NEK10: variants seen among roughly 807,000 people sequenced by gnomAD.
The protein encoded by NEK10 is serine/threonine-protein kinase Nek10.
NEK10 carries 122 observed loss-of-function variants against 159.8 expected under a neutral mutation model. The ratio of observed to expected loss-of-function variants is 0.76; its 90% CI spans 0.66 to 0.89. The LOEUF (loss-of-function observed/expected upper bound fraction) is 0.89, where lower values mean the gene tolerates loss of function less well. Ranked by LOEUF, NEK10 falls within the 40% of genes least tolerant of loss-of-function variation. The pLI, the probability that NEK10 is intolerant of heterozygous loss-of-function variation, is 0.00. For synonymous variants in NEK10, 466 were observed against 457.1 expected (o/e 1.02, Z -0.25); for missense variants, 1,342 against 1,323.1 (o/e 1.01, Z -0.22).
intron 23 of NEK10, among the ~76,000 whole-genome samples, chr3:27,242,678 A>T (rs1954685240): frequency 6.6e-6 from 1 of 152,198 alleles, no homozygotes; most frequent in Non-Finnish European, 1.5e-5. Flanking sequence ...ATTATTTACT[A>T]AATTTATGAA....
chr3:27,278,999 A>T, intron 22 of NEK10: 8 of 758,244 alleles, frequency 1.1e-5, no homozygotes, highest in African/African-American at 1.9e-5. Flanking sequence ...GGCACATGCC[A>T]TCAAAAGATA....
Position 27,279,517 on chromosome 3 carries a change from C to T in NEK10, c.2014+5085G>A, listed in dbSNP as rs559564621. Among the ~76,000 whole-genome samples, 12 of 152,228 alleles carry T rather than the reference C, an allele frequency of 7.9e-5. No individual in the cohort carries two copies. The South Asian group carries it at 2.3e-3, about 29-fold the overall frequency. ...CAGGGTTTTAATTTAACCATAATCC[C>T]TCTTAAAGATAAGAGACTAATGGAC... On this transcript the variant is annotated intron_variant, in intron 22 of 35. Transcript: ENST00000691995.
intron 1 of NEK10, among the ~76,000 whole-genome samples, chr3:27,358,219 A>T (rs1048293444): frequency 3.3e-5 from 5 of 152,236 alleles, no homozygotes; most frequent in African/African-American, 7.2e-5. Flanking sequence ...GAGTAGTCAC[A>T]GTAGTGAAAG....
intron 30 of NEK10, among the ~76,000 whole-genome samples, chr3:27,142,635 C>G (rs1481166841): frequency 1.3e-5 from 2 of 152,058 alleles, no homozygotes; most frequent in Non-Finnish European, 2.9e-5. Context: ...TTTAAAAACG[C>G]TTCTATTATA....
At chr3:27,343,819 G>A (rs368263077) in intron 5 of NEK10, among the ~76,000 whole-genome samples, 5 of 152,142 alleles carry the variant, frequency 3.3e-5, no homozygotes, top group African/African-American at 7.2e-5. Context: ...TGTTCGATTT[G>A]GTCCTGAAAA....
rs1237633051 is a variant in NEK10 at position 27,110,400 on chromosome 3, A to G, written c.*872T>C. 6.6e-6 allele frequency: 1 copy of G among 152,206 alleles called. No homozygotes were observed. The highest frequency in any genetic ancestry group is 1.9e-4 in the East Asian group (1 of 5,200). The allele number at this position is 152,206 out of a possible 1,614,324, so 9.4% of individuals were successfully genotyped here. A position where few individuals can be genotyped will look rare whatever the true frequency, so the allele number is the denominator to read the frequency against. ...CAAAATCCTAAACAATTCATAAACA[A>G]TTTAGGTAATTGTAATAAGGAGGGA... On this transcript the variant is annotated 3_prime_UTR_variant, in exon 36 of 36. Transcript: ENST00000691995.
chr3:27,197,860 A>G (rs921745226), intron 25 of NEK10, among the ~76,000 whole-genome samples: 1 of 151,382 alleles, frequency 6.6e-6, no homozygotes, highest in African/African-American at 2.4e-5. Flanking sequence ...GGTTAGTTAC[A>G]TACGTATACA....
chr3:27,190,359 T>C (rs1300478841), intron 26 of NEK10, among the ~76,000 whole-genome samples: 1 of 152,118 alleles, frequency 6.6e-6, no homozygotes, highest in Non-Finnish European at 1.5e-5. Context: ...TACTTCAAAA[T>C]AATCTGGGGA....
chr3:27,309,676 AT>A (rs527684959), intron 9 of NEK10: 2 of 152,350 alleles, frequency 1.3e-5, no homozygotes, highest in South Asian at 4.1e-4. Context: ...ATAAATTACA[AT>A]AGTGGTAGTG....
intron 5 of NEK10, among the ~76,000 whole-genome samples, chr3:27,331,695 C>T (rs2046431576): frequency 6.6e-6 from 1 of 152,140 alleles, no homozygotes; most frequent in South Asian, 2.1e-4. Context: ...TAGCTAAACA[C>T]ATAACTATAT....
chr3:27,120,313 T>G (rs1941105382), intron 32 of NEK10, among the ~76,000 whole-genome samples: 1 of 151,738 alleles, frequency 6.6e-6, no homozygotes, highest in Non-Finnish European at 1.5e-5. Context: ...AAAGTAAGTT[T>G]CTTTTTCTTT....
chr3:27,280,369 A>G (rs1302264983), intron 22 of NEK10, among the ~76,000 whole-genome samples: 1 of 152,182 alleles, frequency 6.6e-6, no homozygotes, highest in Non-Finnish European at 1.5e-5. Context: ...AGCTCAATAC[A>G]TAGAATTGAG....
At chr3:27,272,412 C>T (rs949688608) in intron 22 of NEK10, among the ~76,000 whole-genome samples, 11 of 152,186 alleles carry the variant, frequency 7.2e-5, no homozygotes, top group African/African-American at 2.7e-4. Context: ...CTTGTATCTG[C>T]ATCTTTCTTT....
At chr3:27,227,476 T>C (rs1331673113) in intron 23 of NEK10, among the ~76,000 whole-genome samples, 1 of 152,156 alleles carries the variant, frequency 6.6e-6, no homozygotes, top group Non-Finnish European at 1.5e-5. Context: ...AATCCAAACA[T>C]TAATTATAGT....
At chr3:27,363,555 C>A (rs1256642720) in intron 1 of NEK10, 1 of 152,104 alleles carries the variant, frequency 6.6e-6, no homozygotes, top group Non-Finnish European at 1.5e-5. Context: ...AAAAGAACAG[C>A]AAATAAGTTT....
At chr3:27,158,578 A>C (rs529440830) in intron 30 of NEK10, among the ~76,000 whole-genome samples, 1 of 152,338 alleles carries the variant, frequency 6.6e-6, no homozygotes, top group South Asian at 2.1e-4. Flanking sequence ...AACATAATTA[A>C]GGACCCAGAA....
chr3:27,247,019 T>C (rs1442044936), intron 23 of NEK10, among the ~76,000 whole-genome samples: 1 of 152,138 alleles, frequency 6.6e-6, no homozygotes, highest in African/African-American at 2.4e-5. Flanking sequence ...GTCAGGTTTT[T>C]CCAAATATAA....
At chr3:27,146,783 A>C (rs900565527) in intron 30 of NEK10, among the ~76,000 whole-genome samples, 4 of 152,198 alleles carry the variant, frequency 2.6e-5, no homozygotes, top group Non-Finnish European at 4.4e-5. Flanking sequence ...CTTCGATAGC[A>C]CAGGAAATGT....
chr3:27,358,607 G>T lies in NEK10; in HGVS notation c.-37-5688C>A, dbSNP rs117420835. ...CACATGCCATGGCAAAATTACCTGA[G>T]TGTAATTAATCTAAATTGTGCAATA... On this transcript the variant is annotated intron_variant, in intron 1 of 35. Transcript: ENST00000691995. Among the ~76,000 whole-genome samples, 42 of 152,244 alleles carry T rather than the reference G, an allele frequency of 2.8e-4. 1 individual carries two copies. The East Asian group carries it at 7.9e-3, about 29-fold the overall frequency.
Sources: allele counts gnomAD v4.1 joint callset (sites outside exome capture counted in the v4.1 genomes callset), GRCh38; gene constraint gnomAD v4.1.1; transcripts MANE v1.5; gene names NCBI Gene and HGNC (gene_info 2026-07-23, HGNC 2026-07-21).